The following CPLANE1 variants were observed in gnomAD, a reference collection of about 807,000 sequenced individuals.
The protein encoded by CPLANE1 is ciliogenesis and planar polarity effector 1.
A neutral mutation model predicts 362.5 loss-of-function variants in CPLANE1; 263 were observed. The ratio of observed to expected loss-of-function variants is 0.73; its 90% CI spans 0.66 to 0.80. The LOEUF (loss-of-function observed/expected upper bound fraction) is 0.80. CPLANE1 is among the 30% of genes least tolerant of loss of function. CPLANE1 has a pLI of 0.00. For missense variants in CPLANE1, 3,461 were observed against 3,793.4 expected, an observed-to-expected ratio of 0.91 and a Z score of 2.30; for synonymous variants, 1,212 against 1,302.6, an observed-to-expected ratio of 0.93 and a Z score of 1.50.
downstream of CPLANE1, among the ~76,000 whole-genome samples, chr5:37,104,740 T>A: frequency 6.7e-6 from 1 of 150,018 alleles, no homozygotes. Context: ...ACCCCATCTC[T>A]ACTTAAAAAA....
At position 37,169,106 on chromosome 5, in the gene CPLANE1, A is replaced by G. The variant is rs1444275711; in HGVS notation, c.6918T>C (p.Thr2306=). ...KEVEQKTWAE[T]VITEIPNHVN... is the part of the protein sequence containing the mutation. The stretch of plus-strand genomic sequence containing the variant: ...CATGATTAGGAATTTCTGTAATTAC[A>G]GTTTCTGCCCACGTCTTCTGCTCAA... The change falls in exon 34 of 53, where the codon ACT becomes ACC. Residue 2306 remains threonine (T), a synonymous_variant. Transcript: ENST00000651892. 4.3e-6 allele frequency: 7 copies of G among 1,614,190 alleles called. No homozygotes were observed. The Admixed American group carries it at 6.7e-5, about 15-fold the overall frequency.
In CPLANE1 at chr5:37,184,880, T is replaced by C; in HGVS notation, c.4389A>G (p.Thr1463=). 1.2e-6 allele frequency: 2 copies of C among 1,614,154 alleles called. No individual in the cohort carries two copies. The highest frequency in any genetic ancestry group is 1.7e-6 in the Non-Finnish European group (2 of 1,179,980). Residue 1463 remains threonine, a synonymous_variant, in exon 25 of 53, where the codon ACA becomes ACG. Coordinates refer to ENST00000651892, the MANE Select transcript of CPLANE1 (RefSeq NM_001384732.1). ...LGTSLSRSTL[T]ELGDSVVHSD... ...TGTGAACCACAGAATCTCCTAGTTCTGTGAGTGTACTTCTGCTCAAACTAG... is the reference window on the plus strand; with the variant it reads ...TGTGAACCACAGAATCTCCTAGTTCCGTGAGTGTACTTCTGCTCAAACTAG...
At chr5:37,218,294 G>A (rs1022363684) in intron 15 of CPLANE1, among the ~76,000 whole-genome samples, 1 of 152,166 alleles carries the variant, frequency 6.6e-6, no homozygotes, top group Non-Finnish European at 1.5e-5. Context: ...AGGGGTTTAT[G>A]TGACCAGCCC....
At chr5:37,221,132 A>G (rs1041031013) in intron 15 of CPLANE1, among the ~76,000 whole-genome samples, 192 bp downstream of exon 15, 1 of 152,200 alleles carries the variant, frequency 6.6e-6, no homozygotes, top group Non-Finnish European at 1.5e-5. Context: ...ACCAACTTTT[A>G]TGTATAAGCA....
chr5:37,118,116 C>G (rs1761551078), intron 50 of CPLANE1, among the ~76,000 whole-genome samples: 1 of 152,098 alleles, frequency 6.6e-6, no homozygotes, highest in Admixed American at 6.5e-5. Context: ...AAGAGCTGGT[C>G]AGGCATGATA....
At position 37,170,143 on chromosome 5, in the gene CPLANE1, T is replaced by C. The variant is rs765025575; in HGVS notation, c.6360A>G (p.Lys2120=). Residue 2120 remains lysine (K), a synonymous_variant, in exon 33 of 53, where the codon AAA becomes AAG. Coordinates refer to ENST00000651892, the MANE Select transcript of CPLANE1 (RefSeq NM_001384732.1). Reference sequence around the variant, plus strand: ...TGGCGTTCTCTCCCATTGACTGTGGTTTAATAAAAAATCTCTCCTTAAGAT... The same window carrying C: ...TGGCGTTCTCTCCCATTGACTGTGGCTTAATAAAAAATCTCTCCTTAAGAT... ...NKNLKERFFI[K]PQSMGENARE... is the part of the protein sequence containing the mutation. The C allele has an allele frequency of 1.9e-6, 3 of 1,614,162 alleles. No individual in the cohort carries two copies. The South Asian group carries it at 3.3e-5, about 18-fold the overall frequency.
Position 37,224,584 on chromosome 5 carries a change from T to C in CPLANE1, c.2448A>G (p.Leu816=). 6 of 1,551,450 alleles carry C rather than the reference T, an allele frequency of 3.9e-6. No individual in the cohort carries two copies. The highest frequency in any genetic ancestry group is 1.2e-5 in the South Asian group (1 of 84,062). Residue 816 remains leucine, a synonymous_variant, in exon 13 of 53, where the codon CTA becomes CTG. Coordinates refer to ENST00000651892, the MANE Select transcript of CPLANE1 (RefSeq NM_001384732.1). ...KSLLCHLQAN[L]QSTGDCLNQT... is the part of the protein sequence containing the mutation. ...GATTCAAGCAATCTCCAGTACTCTG[T>C]AGGTTAGCCTGCAAATGACATAACA...
At chr5:37,131,595 G>GCAA (rs1477460008) in intron 46 of CPLANE1, among the ~76,000 whole-genome samples, 3 of 151,666 alleles carry the variant, frequency 2.0e-5, no homozygotes, top group African/African-American at 7.3e-5. Context: ...CAGTGGCATG[G>GCAA]TCTTGGCTCA....
chr5:37,179,557 A>G, intron 28 of CPLANE1, 114 bp from the exon 29 acceptor site: 2 of 682,406 alleles, frequency 2.9e-6, no homozygotes, highest in Non-Finnish European at 5.1e-6. Flanking sequence ...AATATTTTCT[A>G]TCCTTTTTAT....
At chr5:37,076,087 A>AAAAAAAC in the CPLANE1 span, among the ~76,000 whole-genome samples, 3 of 151,700 alleles carry the variant, frequency 2.0e-5, no homozygotes, top group African/African-American at 4.8e-5. Context: ...AATCACTACA[A>AAAAAAAC]AAAAAACAAA....
Position 37,107,548 on chromosome 5 carries a change from A to G in CPLANE1, c.*54T>C. The G allele has an allele frequency of 1.4e-6, 2 of 1,451,536 alleles. No individual in the cohort carries two copies. The highest frequency in any genetic ancestry group is 1.8e-6 in the Non-Finnish European group (2 of 1,093,860). The allele number at this position is 1,451,536 out of a possible 1,614,324, so 89.9% of individuals were successfully genotyped here. ...TCCCTTAAACCTGTTAATCTTTCAG[A>G]ACCACATTACTGAGGTGCTGGCCTG... On this transcript the variant is annotated 3_prime_UTR_variant, in exon 53 of 53. Transcript: ENST00000651892.
chr5:37,201,524 T>C, intron 19 of CPLANE1, 67 bp downstream of exon 19: 4 of 1,311,122 alleles, frequency 3.1e-6, no homozygotes, highest in Non-Finnish European at 4.3e-6. Context: ...TATTATCAAG[T>C]TAATTATTTT....
chr5:37,242,818 G>A (rs1055101379), intron 6 of CPLANE1, among the ~76,000 whole-genome samples, 195 bp downstream of exon 6: 1 of 151,552 alleles, frequency 6.6e-6, no homozygotes, highest in Non-Finnish European at 1.5e-5. Context: ...CTTGAGCCCA[G>A]GAGTGCAAGA....
chr5:37,141,735 T>C (rs1561383324), intron 44 of CPLANE1: 5 of 983,436 alleles, frequency 5.1e-6, no homozygotes, highest in Non-Finnish European at 6.0e-6. Flanking sequence ...CTATGTTCTA[T>C]TATTCATAGG....
At chr5:37,136,033 G>T (rs188049383) in intron 46 of CPLANE1, among the ~76,000 whole-genome samples, 73 of 152,232 alleles carry the variant, frequency 4.8e-4, no homozygotes, top group African/African-American at 1.7e-3. Flanking sequence ...CAAATCTCAT[G>T]TCCTCATAAT....
chr5:37,179,574 A>T (rs942456582), intron 28 of CPLANE1, 131 bp from the exon 29 acceptor site: 2 of 646,688 alleles, frequency 3.1e-6, no homozygotes, highest in African/African-American at 1.8e-5. Flanking sequence ...TTATAAAGAC[A>T]GTCTTTGAAA....
Position 37,107,629 on chromosome 5 carries a change from C to A in CPLANE1, c.9729G>T (p.Leu3243=), listed in dbSNP as rs1339135347. The A allele has an allele frequency of 1.2e-6, 2 of 1,610,932 alleles. No homozygotes were observed. Among genetic ancestry groups the A allele is most frequent in the Non-Finnish European group, 1.7e-6 (2 of 1,179,258 alleles). Residue 3243 remains leucine (L), a synonymous_variant, in exon 53 of 53, where the codon CTG becomes CTT. Coordinates refer to ENST00000651892, the MANE Select transcript of CPLANE1 (RefSeq NM_001384732.1). ...DMVASVEDQG[L]SVHWALDL ...ACAGGTCCAGGGCCCAGTGGACAGA[C>A]AGGCCCTGGTCCTCCACGCTGGCCA...
chr5:37,136,797 C>T (rs1167515630), intron 46 of CPLANE1, among the ~76,000 whole-genome samples: 3 of 152,242 alleles, frequency 2.0e-5, no homozygotes, highest in African/African-American at 7.2e-5. Flanking sequence ...GAAGCCACAG[C>T]CCAAGCTGTA....
At chr5:37,177,078 G>A (rs1234930897) in intron 30 of CPLANE1, among the ~76,000 whole-genome samples, 1 of 152,034 alleles carries the variant, frequency 6.6e-6, no homozygotes, top group Non-Finnish European at 1.5e-5. Context: ...TCTGATCTAA[G>A]GGAATTCTAA....
Sources: gnomAD v4.1 joint callset for allele counts (sites outside exome capture counted in the v4.1 genomes callset) on GRCh38, gnomAD v4.1.1 for gene constraint, MANE v1.5 for transcripts, NCBI Gene and HGNC (gene_info 2026-07-23, HGNC 2026-07-21) for gene names.